Variants in PTPRJ observed in about 807,000 individuals in gnomAD.
The protein encoded by PTPRJ is receptor-type tyrosine-protein phosphatase eta.
PTPRJ carries 129 observed loss-of-function variants against 141.3 expected under a neutral mutation model. The ratio of observed to expected loss-of-function variants is 0.91; its 90% CI spans 0.79 to 1.06. The LOEUF is 1.06. Among genes scored for constraint, PTPRJ ranks in the 50% least tolerant of loss-of-function variants. The pLI is 0.00. For missense variants in PTPRJ, 1,601 were observed against 1,679.7 expected (o/e 0.95, Z 0.82); for synonymous variants, 610 against 640.5 (o/e 0.95, Z 0.72).
intron 3 of PTPRJ, among the ~76,000 whole-genome samples, chr11:48,117,574 A>AAAAC (rs1645397492): frequency 8.2e-6 from 1 of 122,050 alleles, no homozygotes; most frequent in African/African-American, 3.0e-5. Context: ...AAAAAAAAAA[A>AAAAC]AGCAAGCTCA....
chr11:47,981,767 A>G (rs1409072971), intron 1 of PTPRJ, among the ~76,000 whole-genome samples: 1 of 147,342 alleles, frequency 6.8e-6, no homozygotes, highest in Non-Finnish European at 1.5e-5. Flanking sequence ...TGGCATTTCC[A>G]TAGGGGCTGA....
At chr11:48,075,097 G>C (rs1291390979) in intron 1 of PTPRJ, among the ~76,000 whole-genome samples, 2 of 152,136 alleles carry the variant, frequency 1.3e-5, no homozygotes, top group Non-Finnish European at 2.9e-5. Flanking sequence ...TTCTGTCTTT[G>C]TTAACAACTA....
chr11:48,092,390 G>C (rs1325010169), intron 1 of PTPRJ, among the ~76,000 whole-genome samples: 1 of 151,018 alleles, frequency 6.6e-6, no homozygotes, highest in Non-Finnish European at 1.5e-5. Flanking sequence ...TTACCAAACT[G>C]ATAAGGGTAG....
At chr11:48,140,619 C>T (rs1453301566) in intron 11 of PTPRJ, among the ~76,000 whole-genome samples, 1 of 152,190 alleles carries the variant, frequency 6.6e-6, no homozygotes, top group Non-Finnish European at 1.5e-5. Flanking sequence ...GCGGGCACTG[C>T]TGCCGCATAC....
In PTPRJ at chr11:47,980,775, G is replaced by C. The variant is rs1203109138; in HGVS notation, c.-138G>C. On this transcript the variant is annotated 5_prime_UTR_variant, in exon 1 of 25. Coordinates refer to ENST00000418331, the MANE Select transcript of PTPRJ (RefSeq NM_002843.4). ...GTCTCCGGGGAAGCCCGGGGCGGGC[G>C]GAGCGGGGACGAGGCGGACCGGCTG... 6 of 1,027,730 alleles carry C rather than the reference G, an allele frequency of 5.8e-6. No individual in the cohort carries two copies. Among genetic ancestry groups the C allele is most frequent in the Non-Finnish European group, 7.0e-6 (6 of 859,964 alleles). The allele number at this position is 1,027,730 out of a possible 1,614,324, so 63.7% of individuals were successfully genotyped here.
chr11:48,021,376 A>AAAT (rs1855114970), intron 1 of PTPRJ, among the ~76,000 whole-genome samples: 1 of 136,518 alleles, frequency 7.3e-6, no homozygotes, highest in South Asian at 2.4e-4. Context: ...CTCCGTCCCT[A>AAAT]AAATAAATAA....
chr11:48,168,582 A>ATATATG lies in PTPRJ; in HGVS notation c.*1220_*1221insTATATG, dbSNP rs1351743334. 247 of 97,822 alleles carry ATATATG rather than the reference A, an allele frequency of 2.5e-3. 57 individuals are homozygous for ATATATG. The highest frequency in any genetic ancestry group is 4.3e-3 in the East Asian group (12 of 2,766). 6.1% of individuals were successfully genotyped at this position (97,822 alleles called of 1,614,324 possible). A position where few individuals can be genotyped will look rare whatever the true frequency, so the allele number is the denominator to read the frequency against. On this transcript the variant is annotated 3_prime_UTR_variant, in exon 25 of 25. Transcript: ENST00000418331. ...TATATATATATATATATATATATAT[A>ATATATG]CACTAAGCTCTCAAAAACAGTCATT...
intron 1 of PTPRJ, among the ~76,000 whole-genome samples, chr11:48,080,108 T>A (rs4412719): frequency 0.57 from 86,384 of 152,026 alleles, 28,351 homozygotes; most frequent in East Asian, 0.81. Flanking sequence ...AAATTAAGTC[T>A]TATTGGTAGA....
In PTPRJ at chr11:48,167,069, C is replaced by A. The variant is rs184082078; in HGVS notation, c.3856-135C>A. On this transcript the variant is annotated intron_variant, in intron 24 of 24. Transcript: ENST00000418331. Reference sequence around the variant, plus strand: ...ATGTTGTTACCTCTTGAAACATGTTCGCTTGAACCGTTTGCTGTTGGGTGG... The same window carrying A: ...ATGTTGTTACCTCTTGAAACATGTTAGCTTGAACCGTTTGCTGTTGGGTGG... The A allele has an allele frequency of 1.7e-4, 123 of 728,498 alleles. No homozygotes were observed. In the African/African-American group the frequency reaches 1.9e-3, roughly 11 times the overall value. 45.1% of individuals were successfully genotyped at this position (728,498 alleles called of 1,614,324 possible).
At chr11:48,140,226 C>T (rs1220544303) in intron 11 of PTPRJ, among the ~76,000 whole-genome samples, 4 of 152,144 alleles carry the variant, frequency 2.6e-5, no homozygotes, top group African/African-American at 7.2e-5. Context: ...GATGGGGTTT[C>T]ACCATGTTGG....
intron 10 of PTPRJ, among the ~76,000 whole-genome samples, chr11:48,138,556 A>G (rs1210126659): frequency 2.6e-5 from 4 of 152,172 alleles, no homozygotes; most frequent in Admixed American, 6.5e-5. Context: ...GGAGTTTTCT[A>G]TTTACATCAG....
intron 1 of PTPRJ, among the ~76,000 whole-genome samples, chr11:48,107,515 C>T (rs1038505173): frequency 6.6e-6 from 1 of 152,124 alleles, no homozygotes; most frequent in African/African-American, 2.4e-5. Flanking sequence ...AACTGTGGGC[C>T]GTACTGCATT....
intron 5 of PTPRJ, 140 bp downstream of exon 5, chr11:48,124,010 TCC>T: frequency 1.0e-6 from 1 of 977,610 alleles, no homozygotes; most frequent in Non-Finnish European, 1.5e-6. Flanking sequence ...TTTAGTTTGA[TCC>T]CCCACCTGCA....
chr11:48,090,933 A>G (rs1855853800), intron 1 of PTPRJ, among the ~76,000 whole-genome samples: 1 of 152,180 alleles, frequency 6.6e-6, no homozygotes. Flanking sequence ...AAAGGCACCC[A>G]GCCTGCCCCA....
intron 1 of PTPRJ, among the ~76,000 whole-genome samples, chr11:47,983,870 ATCT>A (rs1425697127): frequency 1.3e-5 from 2 of 151,776 alleles, no homozygotes; most frequent in Non-Finnish European, 2.9e-5. Flanking sequence ...GTTTTGTTTT[ATCT>A]TCACTTTCTT....
intron 1 of PTPRJ, among the ~76,000 whole-genome samples, chr11:48,064,127 C>G (rs145487368): frequency 1.9e-4 from 29 of 152,084 alleles, no homozygotes; most frequent in African/African-American, 7.0e-4. Flanking sequence ...GCTTGTGTTT[C>G]CTTCTGTTTT....
chr11:48,022,948 T>A (rs73464806), intron 1 of PTPRJ, among the ~76,000 whole-genome samples: 2 of 151,998 alleles, frequency 1.3e-5, no homozygotes, highest in Non-Finnish European at 1.5e-5. Context: ...GGAGAAGGAT[T>A]TGAAGGCTCA....
intron 1 of PTPRJ, among the ~76,000 whole-genome samples, chr11:48,000,966 C>T (rs149824743): frequency 6.7e-6 from 1 of 149,912 alleles, no homozygotes; most frequent in Non-Finnish European, 1.5e-5. Flanking sequence ...TGGACCTCCT[C>T]TTCCAGTCCC....
intron 22 of PTPRJ, among the ~76,000 whole-genome samples, chr11:48,162,801 A>G (rs1165982132): frequency 6.6e-6 from 1 of 152,136 alleles, no homozygotes; most frequent in Non-Finnish European, 1.5e-5. Flanking sequence ...ATGCTTTGGT[A>G]TGAGGTAGGG....
Sources: allele counts gnomAD v4.1 joint callset (sites outside exome capture counted in the v4.1 genomes callset), GRCh38; gene constraint gnomAD v4.1.1; transcripts MANE v1.5; gene names NCBI Gene and HGNC (gene_info 2026-07-23, HGNC 2026-07-21).